The following TRMT9B variants were observed in gnomAD, a reference collection of about 807,000 sequenced individuals.
TRMT9B encodes probable tRNA methyltransferase 9B.
Under a neutral mutation model 11.5 loss-of-function variants are expected in TRMT9B, and 16 were observed. The observed-to-expected ratio is 1.39, with a 90% CI of 0.94 to 2.11. The LOEUF is 2.11. Among genes scored for constraint, TRMT9B ranks in the 30% most tolerant of loss-of-function variants. The probability of loss-of-function intolerance (pLI) is 0.00; values close to 1 mark genes in which losing one functional copy is unlikely to be tolerated. For synonymous variants in TRMT9B, 274 were observed against 192.4 expected (o/e 1.42, Z -3.51); for missense variants, 941 against 553.8 (o/e 1.70, Z -7.02).
chr8:12,998,789 C>G (rs1808827511), intron 2 of TRMT9B, among the ~76,000 whole-genome samples: 3 of 152,322 alleles, frequency 2.0e-5, no homozygotes, highest in Admixed American at 6.5e-5. Flanking sequence ...TTTTCAGTTC[C>G]TCAGAATATT....
intron 1 of TRMT9B, among the ~76,000 whole-genome samples, chr8:12,955,830 T>TGCGTTGGCTCCCGG (rs948260499): frequency 2.6e-5 from 4 of 152,152 alleles, no homozygotes; most frequent in African/African-American, 9.7e-5. Flanking sequence ...CTGAGCCTCA[T>TGCGTTGGCTCCCGG]GCGTTGGCTC....
intron 1 of TRMT9B, among the ~76,000 whole-genome samples, chr8:12,985,097 T>C (rs1332998807): frequency 6.6e-6 from 1 of 152,108 alleles, no homozygotes; most frequent in Non-Finnish European, 1.5e-5. Flanking sequence ...CACATACTCC[T>C]TGACATTTTT....
At chr8:12,961,203 T>C (rs1228048769) in intron 1 of TRMT9B, among the ~76,000 whole-genome samples, 1 of 152,102 alleles carries the variant, frequency 6.6e-6, no homozygotes, top group Non-Finnish European at 1.5e-5. Flanking sequence ...TGTGACATTA[T>C]GCATTTGGCA....
intron 1 of TRMT9B, among the ~76,000 whole-genome samples, chr8:12,953,694 G>A (rs1358987552): frequency 6.6e-6 from 1 of 152,188 alleles, no homozygotes; most frequent in African/African-American, 2.4e-5. Flanking sequence ...TTGATGGCTG[G>A]CTGAGAATAC....
intron 1 of TRMT9B, among the ~76,000 whole-genome samples, chr8:12,975,028 T>G (rs1044458554): frequency 3.9e-5 from 6 of 152,094 alleles, no homozygotes; most frequent in Admixed American, 2.6e-4. Context: ...GCAGTTTTTT[T>G]TTTTTTTAGT....
chr8:13,027,499 C>A lies in TRMT9B; in HGVS notation c.*5455C>A, dbSNP rs1337126881. The A allele has an allele frequency of 6.0e-6, 1 of 166,976 alleles. No homozygotes were observed. The allele number at this position is 166,976 out of a possible 1,614,324, so 10.3% of individuals were successfully genotyped here. ...TGTCTTACAGAATAAATGCAGACTC[C>A]TTTGGATGGCATTCAGGCCCTTCAT... is the stretch of plus-strand genomic sequence containing the variant. On this transcript the variant is annotated 3_prime_UTR_variant, in exon 5 of 5. Coordinates refer to ENST00000524591, the MANE Select transcript of TRMT9B (RefSeq NM_020844.3).
chr8:13,016,232 A>C (rs1812658763), intron 4 of TRMT9B, among the ~76,000 whole-genome samples: 1 of 113,892 alleles, frequency 8.8e-6, no homozygotes, highest in Non-Finnish European at 1.8e-5. Flanking sequence ...TGTGAAATAT[A>C]TATTATATAT....
intron 2 of TRMT9B, among the ~76,000 whole-genome samples, chr8:12,991,986 A>G (rs2128879380): frequency 6.6e-6 from 1 of 152,278 alleles, no homozygotes; most frequent in East Asian, 1.9e-4. Context: ...ACACAAAATA[A>G]AACTGGAAAA....
At chr8:13,018,598 C>G (rs1482983229) in intron 4 of TRMT9B, among the ~76,000 whole-genome samples, 1 of 152,084 alleles carries the variant, frequency 6.6e-6, no homozygotes, top group Admixed American at 6.6e-5. Context: ...TCTCTGTGAA[C>G]ACTGAATTAA....
chr8:13,009,881 C>A (rs560881554), intron 3 of TRMT9B, among the ~76,000 whole-genome samples: 1 of 152,144 alleles, frequency 6.6e-6, no homozygotes. Context: ...GTAATCCTAG[C>A]ACTTTGGGAG....
At chr8:12,960,052 C>A (rs1015820799) in intron 1 of TRMT9B, 3 of 152,176 alleles carry the variant, frequency 2.0e-5, no homozygotes, top group African/African-American at 7.2e-5. Flanking sequence ...CATCAAATTG[C>A]AACTCTTCAT....
chr8:12,949,626 A>G (rs1800444728), intron 1 of TRMT9B, among the ~76,000 whole-genome samples: 1 of 152,184 alleles, frequency 6.6e-6, no homozygotes, highest in Non-Finnish European at 1.5e-5. Flanking sequence ...CTCATGTCAT[A>G]GTTCACAAGT....
At chr8:13,001,085 C>T (rs1228396990) in intron 2 of TRMT9B, among the ~76,000 whole-genome samples, 1 of 151,754 alleles carries the variant, frequency 6.6e-6, no homozygotes, top group Non-Finnish European at 1.5e-5. Flanking sequence ...CACGGATTCT[C>T]ATCTTGTTTT....
intron 1 of TRMT9B, among the ~76,000 whole-genome samples, chr8:12,977,428 C>T (rs1052139144): frequency 1.3e-5 from 2 of 152,094 alleles, no homozygotes; most frequent in Non-Finnish European, 2.9e-5. Context: ...CTTGGCCGGG[C>T]GTGGGTGCTC....
chr8:12,971,659 A>G (rs1259013890), intron 1 of TRMT9B, among the ~76,000 whole-genome samples: 1 of 151,900 alleles, frequency 6.6e-6, no homozygotes, highest in Non-Finnish European at 1.5e-5. Flanking sequence ...AAAAATTAGC[A>G]AACAAGAAAA....
In TRMT9B at chr8:12,990,935, GA is replaced by G; in HGVS notation, c.-95del. ...AGTTTTCATTTACGTTACACATTGA[GA>G]AAGTTATGAGAAGCAACTGTCACTC... On this transcript the variant is annotated 5_prime_UTR_variant, in exon 2 of 5. An upstream open reading frame in the 5' UTR loses its in-frame stop. Transcript: ENST00000524591. The G allele has an allele frequency of 7.8e-7, 1 of 1,289,268 alleles. No homozygotes were observed. Among genetic ancestry groups the G allele is most frequent in the Non-Finnish European group, 1.0e-6 (1 of 988,502 alleles). 79.9% of individuals were successfully genotyped at this position (1,289,268 alleles called of 1,614,324 possible). A position where few individuals can be genotyped will look rare whatever the true frequency, so the allele number is the denominator to read the frequency against.
At chr8:12,965,332 GC>G (rs1219916552) in intron 1 of TRMT9B, among the ~76,000 whole-genome samples, 1 of 152,186 alleles carries the variant, frequency 6.6e-6, no homozygotes, top group Non-Finnish European at 1.5e-5. Context: ...AAGAAACAGA[GC>G]TAGCATCACA....
At chr8:12,993,561 T>G (rs148655466) in intron 2 of TRMT9B, among the ~76,000 whole-genome samples, 16 of 152,292 alleles carry the variant, frequency 1.1e-4, no homozygotes, top group African/African-American at 3.8e-4. Flanking sequence ...CCAGTTAGAC[T>G]AGCTGAGATA....
intron 3 of TRMT9B, chr8:13,012,447 C>T (rs956860372): frequency 2.4e-5 from 11 of 459,706 alleles, no homozygotes; most frequent in African/African-American, 1.2e-4. Flanking sequence ...TGGTGGCACG[C>T]GCCTATGATC....
Sources: allele counts gnomAD v4.1 joint callset (sites outside exome capture counted in the v4.1 genomes callset), GRCh38; gene constraint gnomAD v4.1.1; transcripts MANE v1.5; gene names NCBI Gene and HGNC (gene_info 2026-07-23, HGNC 2026-07-21).